The following RPS18 variants were observed in gnomAD, a reference collection of about 807,000 sequenced individuals.
RPS18 encodes the protein ribosomal protein S18.
For missense variants in RPS18, 49 were observed against 200.8 expected, an observed-to-expected ratio of 0.24 and a Z score of 4.57; for synonymous variants, 64 against 70.9, an observed-to-expected ratio of 0.90 and a Z score of 0.49.
At chr6:33,273,134 G>A (rs1007205326) in intron 2 of RPS18, among the ~76,000 whole-genome samples, 5 of 152,144 alleles carry the variant, frequency 3.3e-5, no homozygotes, top group African/African-American at 1.2e-4. Flanking sequence ...GCATCTTGAG[G>A]GATAAGTAGA....
intron 1 of RPS18, chr6:33,272,427 C>G: frequency 1.6e-6 from 1 of 613,234 alleles, no homozygotes; most frequent in African/African-American, 1.8e-5. Flanking sequence ...TTGCATTTTC[C>G]CAAGCTTGAA....
At chr6:33,274,298 T>G (rs901262171) in intron 2 of RPS18, among the ~76,000 whole-genome samples, 3 of 152,164 alleles carry the variant, frequency 2.0e-5, no homozygotes, top group Middle Eastern at 3.2e-3. Context: ...AGGGCTCAAG[T>G]CAATCCTCCT....
chr6:33,273,426 T>C (rs1473614837), intron 2 of RPS18, among the ~76,000 whole-genome samples: 1 of 152,144 alleles, frequency 6.6e-6, no homozygotes, highest in Non-Finnish European at 1.5e-5. Context: ...GTTGTGGAAA[T>C]AGCCTACCAG....
Position 33,272,303 on chromosome 6 carries a change from G to A in RPS18, c.3+181G>A. ...ATTCCGGAGAGCGGGCCCGAGGAAG[G>A]GTCACTGCTCGGGCGCACGAAAGCT... On this transcript the variant is annotated intron_variant, in intron 1 of 5. Coordinates refer to ENST00000439602, the MANE Select transcript of RPS18 (RefSeq NM_022551.3). 4 of 712,084 alleles carry A rather than the reference G, an allele frequency of 5.6e-6. No individual in the cohort carries two copies. The South Asian group carries it at 7.1e-5, about 13-fold the overall frequency. The allele number at this position is 712,084 out of a possible 1,614,324, so 44.1% of individuals were successfully genotyped here. A position where few individuals can be genotyped will look rare whatever the true frequency, so the allele number is the denominator to read the frequency against.
rs550306811 is a variant in RPS18 at position 33,272,115 on chromosome 6, C to T, written c.-5C>T. 129 of 1,568,200 alleles carry T rather than the reference C, an allele frequency of 8.2e-5. 1 individual carries two copies. The East Asian group carries it at 2.7e-3, about 33-fold the overall frequency. ...GGCCTACACGCCGCCGCTTGTGCTG[C>T]AGCCATGGTAAGACTGGAATCCGTG... On this transcript the variant is annotated 5_prime_UTR_variant, in exon 1 of 6. Coordinates refer to ENST00000439602, the MANE Select transcript of RPS18 (RefSeq NM_022551.3).
intron 1 of RPS18, 154 bp downstream of exon 1, chr6:33,272,276 C>A: frequency 1.1e-6 from 1 of 876,882 alleles, no homozygotes; most frequent in African/African-American, 1.7e-5. Flanking sequence ...CAAAGATTTC[C>A]AATTCCGGAG....
intron 1 of RPS18, chr6:33,272,424 T>C (rs1202469945): frequency 2.0e-5 from 12 of 612,070 alleles, no homozygotes. Flanking sequence ...AGGTTGCATT[T>C]TCCCAAGCTT....
intron 1 of RPS18, 179 bp from the exon 2 acceptor site, chr6:33,272,449 C>T (rs916060776): frequency 3.1e-6 from 2 of 641,000 alleles, no homozygotes; most frequent in Non-Finnish European, 5.6e-6. Flanking sequence ...GCTTCATGTG[C>T]CTACTCTGCA....
chr6:33,275,855 A>G lies in RPS18; in HGVS notation c.161A>G (p.Lys54Arg). ...AGGAAAGCAGACATTGACCTCACCAAGAGGGCGGGAGAACTCACTGAGGAT... is the reference window on the plus strand; with the variant it reads ...AGGAAAGCAGACATTGACCTCACCAGGAGGGCGGGAGAACTCACTGAGGAT... ...VLRKADIDLT[K>R]RAGELTEDEV... The change falls in exon 3 of 6, where the codon AAG (lysine) becomes AGG (arginine). Residue 54 changes from lysine to arginine, a missense_variant. Physicochemically the swap from Lys to Arg is conservative, Grantham distance 26. Transcript: ENST00000439602. 1 of 1,613,140 alleles carries G rather than the reference A, an allele frequency of 6.2e-7. No homozygotes were observed.
intron 2 of RPS18, among the ~76,000 whole-genome samples, chr6:33,274,457 T>A (rs1310189387): frequency 1.3e-5 from 2 of 152,210 alleles, no homozygotes; most frequent in African/African-American, 4.8e-5. Context: ...ATTACAGGCA[T>A]ATAGGCATGA....
intron 2 of RPS18, among the ~76,000 whole-genome samples, chr6:33,273,783 T>C (rs575699096): frequency 4.3e-4 from 66 of 152,332 alleles, no homozygotes; most frequent in African/African-American, 1.4e-3. Context: ...TGTAAACATA[T>C]AATTAAATTT....
chr6:33,272,828 G>T (rs530315680), intron 2 of RPS18, 102 bp downstream of exon 2: 2 of 748,242 alleles, frequency 2.7e-6, no homozygotes, highest in South Asian at 1.4e-5. Flanking sequence ...GTCTCATCCA[G>T]ATCACCTTGA....
At chr6:33,276,312 C>T (rs1160641594) in intron 5 of RPS18, 45 bp downstream of exon 5, 2 of 1,603,492 alleles carry the variant, frequency 1.2e-6, no homozygotes, top group South Asian at 1.1e-5. Flanking sequence ...ACTCAGCATT[C>T]CTCCTACTCG....
At chr6:33,275,442 A>G (rs1434907902) in intron 2 of RPS18, 2 of 268,278 alleles carry the variant, frequency 7.5e-6, no homozygotes, top group Non-Finnish European at 1.5e-5. Context: ...CAGCCTCCCA[A>G]GTAGCTGGGA....
chr6:33,274,830 A>G (rs1226279587), intron 2 of RPS18, among the ~76,000 whole-genome samples: 1 of 152,146 alleles, frequency 6.6e-6, no homozygotes, highest in Non-Finnish European at 1.5e-5. Context: ...CTGATGTTCT[A>G]GTTGGACAAA....
intron 2 of RPS18, among the ~76,000 whole-genome samples, chr6:33,273,998 C>T (rs751515110): frequency 2.0e-5 from 3 of 152,214 alleles, no homozygotes; most frequent in Non-Finnish European, 2.9e-5. Flanking sequence ...CACCCCGTCA[C>T]CCAGGCCGGA....
In RPS18 at chr6:33,276,066, G is replaced by A. The variant is rs761955421; in HGVS notation, c.291G>A (p.Gln97=). ...QKDVKDGKYS[Q]VLANGLDNKL... is the part of the protein sequence containing the mutation. The stretch of plus-strand genomic sequence containing the variant: ...ATGTAAAGGATGGAAAATACAGCCA[G>A]GTGTGTACTGAAATGAGGGCAGGAT... The change falls in exon 4 of 6, where the codon CAG becomes CAA. Residue 97 remains glutamine, a splice_region_variant and synonymous_variant. Transcript: ENST00000439602. 14 of 1,613,136 alleles carry A rather than the reference G, an allele frequency of 8.7e-6. No individual in the cohort carries two copies. Among genetic ancestry groups the A allele is most frequent in the Non-Finnish European group, 1.1e-5 (13 of 1,179,094 alleles).
At chr6:33,272,255 G>T in intron 1 of RPS18, 133 bp downstream of exon 1, 1 of 1,008,752 alleles carries the variant, frequency 9.9e-7, no homozygotes, top group African/African-American at 1.6e-5. Context: ...CGCGTCCCTG[G>T]AAAGGGACAC....
intron 2 of RPS18, among the ~76,000 whole-genome samples, chr6:33,274,033 C>T (rs1765471982): frequency 6.6e-6 from 1 of 152,234 alleles, no homozygotes; most frequent in South Asian, 2.1e-4. Context: ...TCTTATCTCA[C>T]TGCAACCTCA....
Sources: gnomAD v4.1 joint callset for allele counts (sites outside exome capture counted in the v4.1 genomes callset) on GRCh38, gnomAD v4.1.1 for gene constraint, MANE v1.5 for transcripts, NCBI Gene and HGNC (gene_info 2026-07-23, HGNC 2026-07-21) for gene names.